The following KIRREL1 variants were observed in gnomAD, a reference collection of about 807,000 sequenced individuals.
KIRREL1 encodes the protein kirre like nephrin family adhesion molecule 1.
A neutral mutation model predicts 83.3 loss-of-function variants in KIRREL1; 25 were observed. The observed-to-expected ratio is 0.30, with a 90% confidence interval of 0.22 to 0.42. The LOEUF is 0.42. Among genes scored for constraint, KIRREL1 ranks in the 10% least tolerant of loss-of-function variants. The pLI is 1.00. For missense variants in KIRREL1, 812 were observed against 1,032.3 expected, an observed-to-expected ratio of 0.79 and a Z score of 2.92; for synonymous variants, 388 against 410.4, an observed-to-expected ratio of 0.95 and a Z score of 0.66.
intron 1 of KIRREL1, among the ~76,000 whole-genome samples, chr1:158,061,195 T>TGTCC (rs1295720682): frequency 6.6e-6 from 1 of 152,138 alleles, no homozygotes; most frequent in African/African-American, 2.4e-5. Context: ...CATGGCACCC[T>TGTCC]GTCCCTCTTG....
Position 158,094,671 on chromosome 1 carries a change from C to T in KIRREL1, c.1825C>T (p.Arg609Cys), listed in dbSNP as rs369394669. 14 of 1,606,276 alleles carry T rather than the reference C, an allele frequency of 8.7e-6. No individual in the cohort carries two copies. The highest frequency in any genetic ancestry group is 2.2e-5 in the South Asian group (2 of 90,524). ...CCCCACCAATGGCTACTACAACGTG[C>T]GTGCCCATGAAGACCGCCCGTCTTC... ...KDPTNGYYNV[R>C]AHEDRPSSRA... The change falls in exon 15 of 15, where the codon CGT becomes TGT. Residue 609 changes from arginine to cysteine, a missense_variant. Physicochemically the swap from Arg to Cys is radical, Grantham distance 180. This residue lies in a region of KIRREL1 where 334 missense variants were observed against 383.7 expected (regional missense o/e 0.87). Coordinates refer to ENST00000359209, the MANE Select transcript of KIRREL1 (RefSeq NM_018240.7). The surrounding 1 kb of genome is among the most constrained non-coding windows in gnomAD (Gnocchi z 4.6).
rs139430357 is a variant in KIRREL1 at position 157,997,045 on chromosome 1, A to G, written c.52+3317A>G. Among the ~76,000 whole-genome samples the G allele has an allele frequency of 3.0e-3, 454 of 152,322 alleles. 1 individual carries two copies. The highest frequency in any genetic ancestry group is 0.01 in the African/African-American group (436 of 41,576). ...CCTAGGACCTCTTTACACCCTTACA[A>G]GGACTAAGTCTTAATTTCTTTTATC... On this transcript the variant is annotated intron_variant, in intron 1 of 14. Transcript: ENST00000359209.
chr1:158,041,268 T>C (rs905622604), intron 1 of KIRREL1, among the ~76,000 whole-genome samples: 18 of 152,172 alleles, frequency 1.2e-4, no homozygotes, highest in African/African-American at 4.3e-4. Context: ...TTTATCCGCA[T>C]AGGTGTGCAT....
At chr1:158,011,721 A>G (rs575832300) in intron 1 of KIRREL1, among the ~76,000 whole-genome samples, 12 of 152,208 alleles carry the variant, frequency 7.9e-5, no homozygotes, top group Non-Finnish European at 1.8e-4. Context: ...GGAGGGAACC[A>G]GGAAATCTTG....
intron 1 of KIRREL1, among the ~76,000 whole-genome samples, chr1:158,066,547 G>A (rs558569004): frequency 3.9e-5 from 6 of 152,200 alleles, no homozygotes; most frequent in East Asian, 1.9e-4. Flanking sequence ...AGTGTCCTGC[G>A]TCTCAGTTTC....
intron 1 of KIRREL1, among the ~76,000 whole-genome samples, chr1:158,069,993 A>C (rs1434258245): frequency 6.6e-6 from 1 of 152,166 alleles, no homozygotes; most frequent in African/African-American, 2.4e-5. Context: ...TGCTGTTGAC[A>C]GTCGTTCCAG....
At chr1:157,999,772 A>G (rs1395791858) in intron 1 of KIRREL1, among the ~76,000 whole-genome samples, 3 of 152,156 alleles carry the variant, frequency 2.0e-5, no homozygotes, top group Admixed American at 2.0e-4. Context: ...AGAGGCTGTC[A>G]TGTCCTTGAT....
chr1:158,022,247 G>T (rs1660020551), intron 1 of KIRREL1, among the ~76,000 whole-genome samples: 1 of 152,160 alleles, frequency 6.6e-6, no homozygotes, highest in Non-Finnish European at 1.5e-5. Context: ...CCAGTGGGAT[G>T]TAAAGGATAA....
rs182854509 is a variant in KIRREL1 at position 158,089,615 on chromosome 1, G to A, written c.1158G>A (p.Pro386=). ...TCGGAGTGGCTGAGCGGGAGGTGCCGCTCTATGTGAACGGTGAGTGAGTGG... is the reference window on the plus strand; with the variant it reads ...TCGGAGTGGCTGAGCGGGAGGTGCCACTCTATGTGAACGGTGAGTGAGTGG... ...PRIGVAEREV[P]LYVNGPPIIS... is the part of the protein sequence containing the mutation. Residue 386 remains proline (P), a synonymous_variant, in exon 9 of 15, where the codon CCG becomes CCA. Transcript: ENST00000359209. 5.0e-6 allele frequency: 8 copies of A among 1,613,534 alleles called. No individual in the cohort carries two copies. Among genetic ancestry groups the A allele is most frequent in the East Asian group, 2.2e-5 (1 of 44,866 alleles).
intron 1 of KIRREL1, among the ~76,000 whole-genome samples, chr1:158,045,897 C>G (rs925793227): frequency 2.0e-5 from 3 of 152,154 alleles, no homozygotes; most frequent in African/African-American, 7.2e-5. Flanking sequence ...GGAAGTTCCA[C>G]GAGTTTAAAA....
chr1:158,050,612 T>C (rs1489245113), intron 1 of KIRREL1, among the ~76,000 whole-genome samples: 2 of 152,052 alleles, frequency 1.3e-5, no homozygotes, highest in African/African-American at 2.4e-5. Context: ...TGCAGTACAA[T>C]GTGTTCAGTG....
At chr1:158,007,963 C>T (rs1888821) in intron 1 of KIRREL1, among the ~76,000 whole-genome samples, 1 of 152,026 alleles carries the variant, frequency 6.6e-6, no homozygotes. Context: ...AGCTAACTCT[C>T]GATAAAGATT....
At chr1:158,032,759 A>G (rs548208195) in intron 1 of KIRREL1, among the ~76,000 whole-genome samples, 17 of 151,816 alleles carry the variant, frequency 1.1e-4, no homozygotes, top group African/African-American at 3.6e-4. Context: ...GGGAATCCCC[A>G]CTTTCTTTTT....
At chr1:158,011,751 T>G (rs1659692605) in intron 1 of KIRREL1, among the ~76,000 whole-genome samples, 1 of 152,048 alleles carries the variant, frequency 6.6e-6, no homozygotes, top group South Asian at 2.1e-4. Context: ...GAGAGGTGAT[T>G]GGTGGGAGGA....
chr1:158,053,304 G>T (rs1287166134), intron 1 of KIRREL1, among the ~76,000 whole-genome samples: 1 of 152,208 alleles, frequency 6.6e-6, no homozygotes, highest in African/African-American at 2.4e-5. Context: ...GTGGGTAAAT[G>T]AATGAATGAC....
At chr1:158,090,988 T>C (rs1417485203) in intron 10 of KIRREL1, among the ~76,000 whole-genome samples, 1 of 152,138 alleles carries the variant, frequency 6.6e-6, no homozygotes, top group Non-Finnish European at 1.5e-5. Context: ...GGATTCCCAG[T>C]GTCGGTTCAA....
chr1:158,001,999 G>A (rs2101622263), intron 1 of KIRREL1, among the ~76,000 whole-genome samples: 1 of 152,132 alleles, frequency 6.6e-6, no homozygotes, highest in South Asian at 2.1e-4. Context: ...GAGACACTAT[G>A]GAAATTTATA....
intron 1 of KIRREL1, among the ~76,000 whole-genome samples, chr1:158,006,001 C>T (rs905340663): frequency 3.9e-5 from 6 of 152,184 alleles, no homozygotes; most frequent in Admixed American, 2.0e-4. Context: ...TTTTCCTTCA[C>T]CTGCTCTTCT....
At chr1:158,079,401 T>C (rs991751050) in intron 3 of KIRREL1, among the ~76,000 whole-genome samples, 2 of 152,194 alleles carry the variant, frequency 1.3e-5, no homozygotes, top group South Asian at 4.1e-4. Context: ...CTCACTGTAA[T>C]CTCCACCTCC....
Sources: gnomAD v4.1 joint callset for allele counts (sites outside exome capture counted in the v4.1 genomes callset) on GRCh38, gnomAD v4.1.1 for gene constraint, gnomAD v4.1.1 regional missense constraint, Gnocchi (gnomAD v3.1) non-coding constraint, MANE v1.5 for transcripts, NCBI Gene and HGNC (gene_info 2026-07-23, HGNC 2026-07-21) for gene names.